Variants in ARHGAP15 observed in about 807,000 individuals in gnomAD.
ARHGAP15 encodes the protein Rho GTPase activating protein 15.
In ARHGAP15, 51 loss-of-function variants were observed where a neutral mutation model predicts 63.7. That is an observed-to-expected ratio of 0.80 (90% CI 0.64 to 1.01). The LOEUF is 1.01. ARHGAP15 is among the 50% of genes least tolerant of loss of function. The probability of loss-of-function intolerance (pLI) is 0.00; values close to 1 mark genes in which losing one functional copy is unlikely to be tolerated. For synonymous variants in ARHGAP15, 191 were observed against 193.8 expected (o/e 0.99, Z 0.12); for missense variants, 560 against 564.6 (o/e 0.99, Z 0.08).
chr2:143,572,381 CTA>C (rs1559057625), intron 11 of ARHGAP15, among the ~76,000 whole-genome samples: 1 of 152,148 alleles, frequency 6.6e-6, no homozygotes, highest in Non-Finnish European at 1.5e-5. Context: ...TAGTCATACT[CTA>C]TGCACACAGC....
At chr2:143,342,549 T>G (rs769712117) in intron 6 of ARHGAP15, among the ~76,000 whole-genome samples, 5 of 152,074 alleles carry the variant, frequency 3.3e-5, no homozygotes, top group African/African-American at 4.8e-5. Context: ...GTATAAGTAA[T>G]TGCATTTTAA....
At chr2:143,659,049 C>G (rs1681606835) in intron 12 of ARHGAP15, among the ~76,000 whole-genome samples, 1 of 152,174 alleles carries the variant, frequency 6.6e-6, no homozygotes, top group Admixed American at 6.5e-5. Context: ...CACATGCACC[C>G]TTCTGTTCAA....
chr2:143,392,799 C>A (rs1687590349), intron 6 of ARHGAP15, among the ~76,000 whole-genome samples: 1 of 151,974 alleles, frequency 6.6e-6, no homozygotes, highest in African/African-American at 2.4e-5. Flanking sequence ...TAATCTTGAC[C>A]TTTGGGTGAC....
intron 12 of ARHGAP15, among the ~76,000 whole-genome samples, chr2:143,659,759 CTATT>C (rs1681653362): frequency 6.6e-6 from 1 of 152,242 alleles, no homozygotes; most frequent in African/African-American, 2.4e-5. Flanking sequence ...TGTTTCTAGT[CTATT>C]TATCAGCTTT....
Position 143,356,060 on chromosome 2 carries a change from A to AAG in ARHGAP15, c.475-79527_475-79526dup, listed in dbSNP as rs199746890. Among the ~76,000 whole-genome samples the AAG allele has an allele frequency of 2.3e-4, 35 of 151,862 alleles. 1 individual carries two copies. The East Asian group carries it at 5.4e-3, about 23-fold the overall frequency. On this transcript the variant is annotated intron_variant, in intron 6 of 13. Transcript: ENST00000295095. The stretch of plus-strand genomic sequence containing the variant: ...TGCATCTTCATCTTATTAAAAAAAA[A>AAG]AGAGAGAGAGAGAGAAAGAAAGAAA...
At chr2:143,374,794 C>G (rs187090125) in intron 6 of ARHGAP15, among the ~76,000 whole-genome samples, 1 of 152,254 alleles carries the variant, frequency 6.6e-6, no homozygotes, top group East Asian at 1.9e-4. Context: ...TGAGCTACTG[C>G]TCCTGGCCAT....
intron 8 of ARHGAP15, among the ~76,000 whole-genome samples, chr2:143,465,617 A>G (rs186470485): frequency 3.3e-3 from 506 of 152,286 alleles, no homozygotes; most frequent in Non-Finnish European, 3.4e-3. Flanking sequence ...AGAAATCCAA[A>G]TGCTAATATA....
intron 13 of ARHGAP15, among the ~76,000 whole-genome samples, chr2:143,765,098 G>A (rs1686901396): frequency 7.1e-6 from 1 of 139,896 alleles, no homozygotes. Context: ...CTCCATATTT[G>A]CCTCTAAAAT....
At chr2:143,458,528 G>A (rs1040059943) in intron 8 of ARHGAP15, among the ~76,000 whole-genome samples, 3 of 152,150 alleles carry the variant, frequency 2.0e-5, no homozygotes, top group South Asian at 2.1e-4. Flanking sequence ...TGAAGGGCCG[G>A]TGATCATGGG....
intron 6 of ARHGAP15, among the ~76,000 whole-genome samples, chr2:143,371,334 A>ATG (rs1375106970): frequency 6.6e-6 from 1 of 152,148 alleles, no homozygotes; most frequent in African/African-American, 2.4e-5. Flanking sequence ...GGACAAATTG[A>ATG]TGAGGACATC....
intron 10 of ARHGAP15, among the ~76,000 whole-genome samples, chr2:143,546,981 A>G (rs939920926): frequency 2.6e-5 from 4 of 152,058 alleles, no homozygotes; most frequent in South Asian, 2.1e-4. Flanking sequence ...TTGTTTCCCA[A>G]TCTCCAGAAA....
chr2:143,411,851 C>T (rs535379142), intron 6 of ARHGAP15, among the ~76,000 whole-genome samples: 1 of 152,130 alleles, frequency 6.6e-6, no homozygotes, highest in Non-Finnish European at 1.5e-5. Context: ...TACTCTCTTA[C>T]CTTTTATACC....
intron 6 of ARHGAP15, among the ~76,000 whole-genome samples, chr2:143,410,261 A>G (rs1420257516): frequency 2.0e-5 from 3 of 152,180 alleles, no homozygotes; most frequent in African/African-American, 7.2e-5. Context: ...ATAAGATGTC[A>G]TCATCACATC....
At chr2:143,456,983 ATTAAT>A (rs1318142637) in intron 8 of ARHGAP15, among the ~76,000 whole-genome samples, 24 of 152,190 alleles carry the variant, frequency 1.6e-4, no homozygotes, top group African/African-American at 5.5e-4. Flanking sequence ...ACTAGCATTT[ATTAAT>A]TTAACAGATG....
chr2:143,383,671 G>A (rs1558935026), intron 6 of ARHGAP15, among the ~76,000 whole-genome samples: 1 of 152,144 alleles, frequency 6.6e-6, no homozygotes, highest in African/African-American at 2.4e-5. Context: ...TCAGGAAACT[G>A]TAGAAAAACA....
intron 6 of ARHGAP15, among the ~76,000 whole-genome samples, chr2:143,407,082 C>A (rs1044972185): frequency 6.6e-5 from 10 of 151,916 alleles, no homozygotes; most frequent in Non-Finnish European, 1.5e-5. Flanking sequence ...AATATTTGGG[C>A]TACCATTTAT....
chr2:143,584,745 T>C (rs1291141558), intron 11 of ARHGAP15, among the ~76,000 whole-genome samples: 4 of 152,208 alleles, frequency 2.6e-5, no homozygotes, highest in African/African-American at 9.7e-5. Context: ...TAGGTCATAT[T>C]AGGTTGGTGC....
intron 1 of ARHGAP15, among the ~76,000 whole-genome samples, chr2:143,154,823 T>C (rs1364101265): frequency 6.6e-6 from 1 of 151,966 alleles, no homozygotes; most frequent in Non-Finnish European, 1.5e-5. Context: ...TTTTCTTGCC[T>C]AAATCAGACT....
intron 6 of ARHGAP15, among the ~76,000 whole-genome samples, chr2:143,299,389 A>G (rs1574234203): frequency 6.6e-6 from 1 of 151,972 alleles, no homozygotes; most frequent in Non-Finnish European, 1.5e-5. Flanking sequence ...AATCCTCTAA[A>G]TATTTACCAC....
Sources: gnomAD v4.1 joint callset for allele counts (sites outside exome capture counted in the v4.1 genomes callset) on GRCh38, gnomAD v4.1.1 for gene constraint, MANE v1.5 for transcripts, NCBI Gene and HGNC (gene_info 2026-07-23, HGNC 2026-07-21) for gene names.